Variants in EPSTI1 observed in about 807,000 individuals in gnomAD.
EPSTI1 encodes the protein epithelial stromal interaction 1, also known as epithelial-stromal interaction protein 1.
EPSTI1 carries 66 observed loss-of-function variants against 49.9 expected under a neutral mutation model. That is an observed-to-expected ratio of 1.32 (90% CI 1.08 to 1.62). The LOEUF is 1.62. Among genes scored for constraint, EPSTI1 ranks in the 40% most tolerant of loss-of-function variants. The probability of loss-of-function intolerance (pLI) is 0.00; values close to 1 mark genes in which losing one functional copy is unlikely to be tolerated. For missense variants in EPSTI1, 394 were observed against 365.5 expected (o/e 1.08, Z -0.64); for synonymous variants, 137 against 130.7 (o/e 1.05, Z -0.33).
chr13:42,957,803 G>A (rs972595209), intron 5 of EPSTI1, among the ~76,000 whole-genome samples: 5 of 152,198 alleles, frequency 3.3e-5, no homozygotes, highest in Admixed American at 1.3e-4. Context: ...TTGAACTCCT[G>A]GGATCAAGCA....
chr13:42,887,063 C>T lies in EPSTI1; in HGVS notation c.*1431G>A, dbSNP rs1481693922. On this transcript the variant is annotated 3_prime_UTR_variant, in exon 11 of 11. Coordinates refer to ENST00000313624, the MANE Select transcript of EPSTI1 (RefSeq NM_033255.5). ...CACCACCACACTAAAATGTCTGCTA[C>T]AGCCGCACATTTACAATCAGTTTGG... The T allele has an allele frequency of 6.6e-6, 1 of 152,212 alleles. No homozygotes were observed. Among genetic ancestry groups the T allele is most frequent in the Non-Finnish European group, 1.5e-5 (1 of 68,050 alleles). 9.4% of individuals were successfully genotyped at this position (152,212 alleles called of 1,614,324 possible). A position where few individuals can be genotyped will look rare whatever the true frequency, so the allele number is the denominator to read the frequency against.
At chr13:42,911,951 A>G (rs1397270089) in intron 8 of EPSTI1, among the ~76,000 whole-genome samples, 3 of 152,192 alleles carry the variant, frequency 2.0e-5, no homozygotes, top group Non-Finnish European at 4.4e-5. Context: ...TGACTTCCCT[A>G]TAAAAGTCTC....
intron 6 of EPSTI1, among the ~76,000 whole-genome samples, chr13:42,948,273 T>A (rs979188758): frequency 6.6e-6 from 1 of 152,220 alleles, no homozygotes; most frequent in African/African-American, 2.4e-5. Context: ...GCCTGGGCCC[T>A]GCCAGTGCAC....
At chr13:42,918,524 T>C (rs931325251) in intron 7 of EPSTI1, among the ~76,000 whole-genome samples, 2 of 152,328 alleles carry the variant, frequency 1.3e-5, no homozygotes, top group African/African-American at 4.8e-5. Context: ...TCCCCCTTTT[T>C]CCAGCCTACG....
intron 10 of EPSTI1, among the ~76,000 whole-genome samples, chr13:42,892,303 C>T (rs1469780210): frequency 6.6e-6 from 1 of 152,134 alleles, no homozygotes; most frequent in African/African-American, 2.4e-5. Flanking sequence ...AGTCTTGTAT[C>T]GAGAACAGAC....
chr13:42,960,858 A>G (rs978238000), intron 5 of EPSTI1, among the ~76,000 whole-genome samples: 8 of 151,974 alleles, frequency 5.3e-5, no homozygotes, highest in Non-Finnish European at 4.4e-5. Context: ...CCCTCTCCCA[A>G]TTTTAAGGAC....
In EPSTI1 at chr13:42,931,475, G is replaced by A. The variant is rs367902821; in HGVS notation, c.564-5046C>T. On this transcript the variant is annotated intron_variant, in intron 6 of 10. Transcript: ENST00000313624. ...CCGCCTCGGCTTCCCAAAGTGCTGG[G>A]ATTACAGGCGTGAGCCACCGCGCCC... 8.5e-5 allele frequency among the ~76,000 whole-genome samples: 13 copies of A among 152,260 alleles called. No homozygotes were observed. In the East Asian group the frequency reaches 2.5e-3, roughly 29 times the overall value.
chr13:42,963,958 G>A lies in EPSTI1; in HGVS notation c.405+108C>T, dbSNP rs1367032444. 6 of 943,396 alleles carry A rather than the reference G, an allele frequency of 6.4e-6. No homozygotes were observed. The African/African-American group carries it at 1.0e-4, about 16-fold the overall frequency. The allele number at this position is 943,396 out of a possible 1,614,324, so 58.4% of individuals were successfully genotyped here. A position where few individuals can be genotyped will look rare whatever the true frequency, so the allele number is the denominator to read the frequency against. ...TGAAAGCTGCCTTTTGCAACTGGTT[G>A]GAAGGTTTTATACTTTTGGTAAAGT... On this transcript the variant is annotated intron_variant, in intron 4 of 10. Transcript: ENST00000313624.
rs1400641904 is a variant in EPSTI1, at chr13:42,963,255, C to A, written c.489G>T (p.Lys163Asn). The A allele has an allele frequency of 1.2e-6, 2 of 1,611,550 alleles. No homozygotes were observed. The highest frequency in any genetic ancestry group is 1.7e-6 in the Non-Finnish European group (2 of 1,178,270). ...GTGAACTAATCCTCCTCCTCCTTACCTTCTCTCTCTGAATTGCCTTCATTT... is the reference window on the plus strand; with the variant it reads ...GTGAACTAATCCTCCTCCTCCTTACATTCTCTCTCTGAATTGCCTTCATTT... ...LQKMKAIQRE[K>N]SNKLEEKKRL... The change falls in exon 5 of 11, where the codon AAG becomes AAT. Residue 163 changes from lysine (K) to asparagine (N), a missense_variant and splice_region_variant. Physicochemically the swap from Lys to Asn is moderately conservative, Grantham distance 94 (BLOSUM62 0). Transcript: ENST00000313624.
In EPSTI1 at chr13:42,978,501, A is replaced by G. The variant is rs570911848; in HGVS notation, c.189-7831T>C. 5.9e-5 allele frequency among the ~76,000 whole-genome samples: 9 copies of G among 152,318 alleles called. No homozygotes were observed. In the East Asian group the frequency reaches 1.3e-3, roughly 23 times the overall value. ...TGAGCAGAGGGCTGACTTTGAATAGAATGCAAGGCAGGTTTGCCCTGAGCA... is the reference window on the plus strand; with the variant it reads ...TGAGCAGAGGGCTGACTTTGAATAGGATGCAAGGCAGGTTTGCCCTGAGCA... On this transcript the variant is annotated intron_variant, in intron 1 of 10. Transcript: ENST00000313624.
At chr13:42,946,448 C>T (rs1172428849) in intron 6 of EPSTI1, among the ~76,000 whole-genome samples, 3 of 152,144 alleles carry the variant, frequency 2.0e-5, no homozygotes, top group Non-Finnish European at 4.4e-5. Context: ...GGAAATTGTA[C>T]GTAGGAATAG....
intron 5 of EPSTI1, among the ~76,000 whole-genome samples, chr13:42,957,020 C>A (rs1174965299): frequency 6.6e-6 from 1 of 152,144 alleles, no homozygotes; most frequent in Non-Finnish European, 1.5e-5. Context: ...TACACGAGAA[C>A]CCCTGGGGTG....
intron 10 of EPSTI1, among the ~76,000 whole-genome samples, chr13:42,891,800 T>C (rs889406154): frequency 1.3e-5 from 2 of 152,182 alleles, no homozygotes; most frequent in Non-Finnish European, 2.9e-5. Flanking sequence ...AACAATCCAA[T>C]GGCCCCACCC....
At chr13:42,908,043 C>A (rs1282132618) in intron 8 of EPSTI1, among the ~76,000 whole-genome samples, 1 of 152,192 alleles carries the variant, frequency 6.6e-6, no homozygotes, top group Non-Finnish European at 1.5e-5. Context: ...TATCCACATG[C>A]AGAAGGATGA....
chr13:42,985,108 AG>A (rs2040054450), intron 1 of EPSTI1, among the ~76,000 whole-genome samples: 2 of 152,218 alleles, frequency 1.3e-5, no homozygotes, highest in South Asian at 4.1e-4. Flanking sequence ...GAACAAGACT[AG>A]GTCTGATTAC....
At chr13:42,920,505 G>A (rs1306701495) in intron 7 of EPSTI1, among the ~76,000 whole-genome samples, 2 of 152,046 alleles carry the variant, frequency 1.3e-5, no homozygotes, top group Non-Finnish European at 2.9e-5. Flanking sequence ...GCAACATGAG[G>A]GCCCAAGAAA....
intron 8 of EPSTI1, among the ~76,000 whole-genome samples, chr13:42,907,720 T>C (rs2037536609): frequency 6.6e-6 from 1 of 152,376 alleles, no homozygotes; most frequent in South Asian, 2.1e-4. Flanking sequence ...GAAACAGTAT[T>C]TTCAAATTAC....
At chr13:42,969,397 GTT>G in intron 2 of EPSTI1, 1 of 486,436 alleles carries the variant, frequency 2.1e-6, no homozygotes, top group Non-Finnish European at 3.6e-6. Context: ...AGCACAGAGG[GTT>G]CGAATTTGAA....
chr13:42,889,356 AAATC>A (rs1463921447), intron 10 of EPSTI1: 30 of 692,612 alleles, frequency 4.3e-5, no homozygotes, highest in African/African-American at 9.2e-5. Context: ...TAAAAAATAA[AAATC>A]AATCCACCTA....
Sources: gnomAD v4.1 joint callset for allele counts (sites outside exome capture counted in the v4.1 genomes callset) on GRCh38, gnomAD v4.1.1 for gene constraint, MANE v1.5 for transcripts, NCBI Gene and HGNC (gene_info 2026-07-23, HGNC 2026-07-21) for gene names.